Variants in UBE2D3 observed in about 807,000 individuals in gnomAD.
The protein encoded by UBE2D3 is ubiquitin-conjugating enzyme E2 D3.
A neutral mutation model predicts 22.8 loss-of-function variants in UBE2D3; 2 were observed. The ratio of observed to expected loss-of-function variants is 0.09; its 90% CI spans 0.04 to 0.28. UBE2D3 has a LOEUF of 0.28. Among genes scored for constraint, UBE2D3 ranks in the 10% least tolerant of loss-of-function variants. The pLI, the probability that UBE2D3 is intolerant of heterozygous loss-of-function variation, is 1.00. For missense variants in UBE2D3, 27 were observed against 182.5 expected, an observed-to-expected ratio of 0.15 and a Z score of 4.91; for synonymous variants, 56 against 60.4, an observed-to-expected ratio of 0.93 and a Z score of 0.34.
chr4:102,851,901 C>G (rs558595437), intron 1 of UBE2D3, among the ~76,000 whole-genome samples: 7 of 152,040 alleles, frequency 4.6e-5, no homozygotes, highest in African/African-American at 1.7e-4. Context: ...ACTCCTGACC[C>G]TCAGGTGATC....
At chr4:102,811,175 G>C (rs1187870771) in intron 2 of UBE2D3, 1 of 152,198 alleles carries the variant, frequency 6.6e-6, no homozygotes, top group East Asian at 1.9e-4. Flanking sequence ...AACAAAGGGA[G>C]ACCCCCGTCT....
intron 1 of UBE2D3, among the ~76,000 whole-genome samples, chr4:102,860,421 GTA>G (rs557442913): frequency 0.25 from 26,128 of 102,872 alleles, 2,954 homozygotes; most frequent in African/African-American, 0.4. Context: ...GTGTGTGTGT[GTA>G]TGTGTGTGTG....
exon 1 of UBE2D3, chr4:102,868,845 C>T (rs886248509): frequency 3.8e-6 from 6 of 1,560,412 alleles, no homozygotes; most frequent in Non-Finnish European, 5.3e-6. Context: ...ACACGAGATT[C>T]CGAGGAGGGC....
intron 1 of UBE2D3, among the ~76,000 whole-genome samples, chr4:102,845,195 G>A (rs918353962): frequency 6.6e-6 from 1 of 152,016 alleles, no homozygotes; most frequent in Non-Finnish European, 1.5e-5. Context: ...CAGCCTGGGT[G>A]ACAACAGAGC....
At chr4:102,864,507 G>T (rs1733056110) in intron 1 of UBE2D3, among the ~76,000 whole-genome samples, 1 of 152,186 alleles carries the variant, frequency 6.6e-6, no homozygotes, top group African/African-American at 2.4e-5. Flanking sequence ...CTGAAAGCCA[G>T]AGTAAAGGGT....
Position 102,795,197 on chromosome 4 carries a change from A to C in UBE2D3, c.*2218T>G, listed in dbSNP as rs2093989403. 6.6e-6 allele frequency: 1 copy of C among 152,008 alleles called. No homozygotes were observed. The highest frequency in any genetic ancestry group is 1.5e-5 in the Non-Finnish European group (1 of 67,918). 9.4% of individuals were successfully genotyped at this position (152,008 alleles called of 1,614,324 possible). On this transcript the variant is annotated 3_prime_UTR_variant, in exon 8 of 8. Coordinates refer to ENST00000453744, the MANE Select transcript of UBE2D3 (RefSeq NM_181891.3). The stretch of plus-strand genomic sequence containing the variant: ...AAGATACAGAGAACTGGACACATCC[A>C]CTAATTGTTATGACAATCAAAGAAG...
chr4:102,863,873 T>A (rs1733019577), intron 1 of UBE2D3, among the ~76,000 whole-genome samples: 1 of 152,092 alleles, frequency 6.6e-6, no homozygotes, highest in Admixed American at 6.6e-5. Flanking sequence ...CTGCATGGGG[T>A]TCCTTAAGCA....
intron 1 of UBE2D3, 159 bp downstream of exon 1, chr4:102,827,268 A>C (rs1157133523): frequency 2.3e-5 from 22 of 951,030 alleles, no homozygotes; most frequent in Non-Finnish European, 2.8e-5. Flanking sequence ...CTCCTCCTCC[A>C]GCAGGAGAGG....
rs1365056598 is a variant in UBE2D3 at position 102,795,606 on chromosome 4, C to T, written c.*1809G>A. ...TGAAATGATTACAGAATTAACAAAGCCAGAACATCTTCAGAAGGCATGCAT... is the reference window on the plus strand; with the variant it reads ...TGAAATGATTACAGAATTAACAAAGTCAGAACATCTTCAGAAGGCATGCAT... On this transcript the variant is annotated 3_prime_UTR_variant, in exon 8 of 8. Coordinates refer to ENST00000453744, the MANE Select transcript of UBE2D3 (RefSeq NM_181891.3). 1 of 152,072 alleles carries T rather than the reference C, an allele frequency of 6.6e-6. No homozygotes were observed. The highest frequency in any genetic ancestry group is 2.4e-5 in the African/African-American group (1 of 41,440). The allele number at this position is 152,072 out of a possible 1,614,324, so 9.4% of individuals were successfully genotyped here.
chr4:102,822,762 T>TGCCTCTACTAAAAAAACAAAAAAATTA (rs67959055), intron 2 of UBE2D3, among the ~76,000 whole-genome samples: 82,687 of 147,024 alleles, frequency 0.56, 24,795 homozygotes, highest in African/African-American at 0.79. Context: ...GGTGAAACCC[T>TGCCTCTACTAAAAAAACAAAAAAATTA]GCCTCTACTA....
chr4:102,826,859 A>C, intron 1 of UBE2D3: 2 of 1,105,332 alleles, frequency 1.8e-6, no homozygotes, highest in South Asian at 3.0e-5. Context: ...AAAGGAAGAG[A>C]CCCGGGTGGG....
intron 5 of UBE2D3, chr4:102,802,329 T>TG (rs1726289647): frequency 1.5e-5 from 5 of 333,780 alleles, no homozygotes; most frequent in African/African-American, 1.1e-4. Flanking sequence ...GGCGGAAGCT[T>TG]CCACATGGTC....
At chr4:102,854,224 A>T (rs1732523488) in intron 1 of UBE2D3, among the ~76,000 whole-genome samples, 1 of 151,572 alleles carries the variant, frequency 6.6e-6, no homozygotes, top group African/African-American at 2.4e-5. Flanking sequence ...TTTCGTTTAG[A>T]TTTTTTTTGC....
chr4:102,808,875 G>A (rs1357796085), intron 4 of UBE2D3, among the ~76,000 whole-genome samples: 1 of 151,836 alleles, frequency 6.6e-6, no homozygotes, highest in Non-Finnish European at 1.5e-5. Flanking sequence ...TTTTCCTTTA[G>A]AATTCTAAAT....
At chr4:102,803,665 G>A (rs996859076) in intron 4 of UBE2D3, among the ~76,000 whole-genome samples, 1 of 152,212 alleles carries the variant, frequency 6.6e-6, no homozygotes, top group Admixed American at 6.5e-5. Context: ...GCAATGAAAT[G>A]TTATAGGTAT....
intron 4 of UBE2D3, among the ~76,000 whole-genome samples, chr4:102,808,490 C>T (rs1009995244): frequency 6.6e-6 from 1 of 151,886 alleles, no homozygotes; most frequent in Non-Finnish European, 1.5e-5. Flanking sequence ...AAGTATTAAA[C>T]TTAATATTTG....
chr4:102,815,168 C>T (rs1306123994), intron 2 of UBE2D3, among the ~76,000 whole-genome samples: 1 of 151,930 alleles, frequency 6.6e-6, no homozygotes, highest in African/African-American at 2.4e-5. Context: ...CTCAGCCTTC[C>T]GAGTAACTGG....
intron 2 of UBE2D3, among the ~76,000 whole-genome samples, chr4:102,817,026 G>A (rs893325061): frequency 6.6e-6 from 1 of 152,222 alleles, no homozygotes; most frequent in Non-Finnish European, 1.5e-5. Flanking sequence ...GTTTAGAGGA[G>A]TGCCATTTGA....
intron 2 of UBE2D3, among the ~76,000 whole-genome samples, chr4:102,814,459 T>C (rs1728516833): frequency 3.5e-5 from 1 of 28,954 alleles, no homozygotes. Flanking sequence ...TGGCTATTCT[T>C]TTTTTTTTTT....
Sources: allele counts gnomAD v4.1 joint callset (sites outside exome capture counted in the v4.1 genomes callset), GRCh38; gene constraint gnomAD v4.1.1; transcripts MANE v1.5; gene names NCBI Gene and HGNC (gene_info 2026-07-23, HGNC 2026-07-21).